MMP1: variants seen among roughly 807,000 people sequenced by gnomAD.
MMP1 encodes the protein interstitial collagenase.
A neutral mutation model predicts 49.6 loss-of-function variants in MMP1; 51 were observed. The ratio of observed to expected loss-of-function variants is 1.03; its 90% CI spans 0.82 to 1.30. MMP1 has a LOEUF of 1.30. Among genes scored for constraint, MMP1 ranks in the 50% most tolerant of loss-of-function variants. The probability of loss-of-function intolerance (pLI) is 0.00; values close to 1 mark genes in which losing one functional copy is unlikely to be tolerated. For missense variants in MMP1, 623 were observed against 568.7 expected, an observed-to-expected ratio of 1.10 and a Z score of -0.97; for synonymous variants, 230 against 196.8, an observed-to-expected ratio of 1.17 and a Z score of -1.41.
chr11:102,797,607 G>T (rs540946284), intron 1 of MMP1, 107 bp from the exon 2 acceptor site: 2 of 1,401,254 alleles, frequency 1.4e-6, no homozygotes, highest in East Asian at 2.3e-5. Flanking sequence ...TTTAAACCTT[G>T]TGTTTAGATT....
rs114064748 is a variant in MMP1, at chr11:102,797,148, G to A, written c.365C>T (p.Thr122Met). The part of the protein sequence containing the change: ...THLTYRIENY[T>M]PDLPRADVDH... ...CACATCTGCTCTTGGCAAATCTGGC[G>A]TGTAATTTTCAATCCTTAGAATGAA... The change falls in exon 3 of 10, where the codon ACG (threonine) becomes ATG (methionine). Residue 122 changes from threonine (T) to methionine (M), a missense_variant. Coordinates refer to ENST00000315274, the MANE Select transcript of MMP1 (RefSeq NM_002421.4). The A allele has an allele frequency of 2.0e-4, 328 of 1,614,092 alleles. 1 individual carries two copies. The African/African-American group carries it at 2.7e-3, about 13-fold the overall frequency.
chr11:102,795,428 C>T (rs5031037), intron 5 of MMP1, 24 bp downstream of exon 5: 34 of 1,609,926 alleles, frequency 2.1e-5, no homozygotes, highest in African/African-American at 9.4e-5. Flanking sequence ...GGCCCTTGTC[C>T]GTAATGTTTT....
intron 4 of MMP1, 136 bp downstream of exon 4, chr11:102,796,528 G>A: frequency 2.0e-6 from 2 of 1,025,172 alleles, no homozygotes; most frequent in Non-Finnish European, 2.7e-6. Context: ...ACTTTTCTAA[G>A]TGTATCACTA....
intron 1 of MMP1, 144 bp from the exon 2 acceptor site, chr11:102,797,644 G>A (rs150583757): frequency 2.7e-6 from 3 of 1,100,196 alleles, no homozygotes; most frequent in Non-Finnish European, 3.8e-6. Flanking sequence ...CCTTATTTTT[G>A]GTGAGAAATG....
At chr11:102,792,466 G>T in intron 7 of MMP1, 139 bp downstream of exon 7, 3 of 829,154 alleles carry the variant, frequency 3.6e-6, no homozygotes, top group Non-Finnish European at 3.7e-6. Flanking sequence ...TAAGTTGATG[G>T]ACTTTCATTG....
chr11:102,797,908 C>G (rs1858248393), intron 1 of MMP1, 80 bp downstream of exon 1: 8 of 1,072,782 alleles, frequency 7.5e-6, no homozygotes, highest in Non-Finnish European at 1.1e-5. Flanking sequence ...GAAACCTATC[C>G]TTAAAAAACT....
At position 102,791,428 on chromosome 11, in the gene MMP1, G is replaced by A. The variant is rs767825796; in HGVS notation, c.1101C>T (p.Ser367=). 8 of 1,613,964 alleles carry A rather than the reference G, an allele frequency of 5.0e-6. No homozygotes were observed. Among genetic ancestry groups the A allele is most frequent in the East Asian group, 2.2e-5 (1 of 44,798 alleles). ...LHGYPKDIYS[S]FGFPRTVKHI... ...GCTTCACAGTTCTAGGGAAGCCAAA[G>A]GAGCTGTAGATGTCCTTGGGGTATC... Residue 367 remains serine (S), a synonymous_variant, in exon 8 of 10, where the codon TCC becomes TCT. Coordinates refer to ENST00000315274, the MANE Select transcript of MMP1 (RefSeq NM_002421.4).
In MMP1 at chr11:102,796,721, C is replaced by G; in HGVS notation, c.568G>C (p.Gly190Arg). The G allele has an allele frequency of 1.2e-6, 2 of 1,614,008 alleles. No individual in the cohort carries two copies. Among genetic ancestry groups the G allele is most frequent in the Non-Finnish European group, 1.7e-6 (2 of 1,179,938 alleles). ...TCAAAATGAGCATCCCCTCCAATAC[C>G]TGGGCCTGGTTGAAAAGCATGAGCA... ...NLAHAFQPGPGIGGDAHFDED... is the reference protein window; with the variant it reads ...NLAHAFQPGPRIGGDAHFDED... Residue 190 changes from glycine to arginine, a missense_variant, in exon 4 of 10, where the codon GGT becomes CGT. Physicochemically the swap from Gly to Arg is moderately radical, Grantham distance 125. Coordinates refer to ENST00000315274, the MANE Select transcript of MMP1 (RefSeq NM_002421.4).
At position 102,790,535 on chromosome 11, in the gene MMP1, A is replaced by G. The variant is rs749490094; in HGVS notation, c.1301-14T>C. ...AATAGAAAAATCCTAGAAACAAAAC[A>G]AAAGAGACTTACTACATTATACAAG... is the stretch of plus-strand genomic sequence containing the variant. On this transcript the variant is annotated splice_polypyrimidine_tract_variant and intron_variant, in intron 9 of 9. Coordinates refer to ENST00000315274, the MANE Select transcript of MMP1 (RefSeq NM_002421.4). 3.3e-6 allele frequency: 5 copies of G among 1,511,230 alleles called. No homozygotes were observed. Among genetic ancestry groups the G allele is most frequent in the Non-Finnish European group, 4.6e-6 (5 of 1,097,016 alleles). 93.6% of individuals were successfully genotyped at this position (1,511,230 alleles called of 1,614,324 possible).
At chr11:102,792,927 T>G (rs1259852802) in intron 6 of MMP1, among the ~76,000 whole-genome samples, 189 bp from the exon 7 acceptor site, 2 of 152,136 alleles carry the variant, frequency 1.3e-5, no homozygotes, top group Non-Finnish European at 2.9e-5. Flanking sequence ...CCCATTATGA[T>G]GAATTTCAAG....
At chr11:102,792,884 T>C (rs1013984147) in intron 6 of MMP1, 146 bp from the exon 7 acceptor site, 3 of 708,318 alleles carry the variant, frequency 4.2e-6, no homozygotes, top group East Asian at 2.7e-5. Flanking sequence ...GGTTGGTTTA[T>C]AGCATTTGCT....
Position 102,795,199 on chromosome 11 carries a change from C to A in MMP1, c.874G>T (p.Gly292Ter), listed in dbSNP as rs370904125. Residue 292 changes from glycine to a stop codon, truncating the protein, a stop_gained, in exon 6 of 10, where the codon GGA (glycine) becomes TGA (stop). Transcript: ENST00000315274. LOFTEE classifies it high-confidence loss of function. ...CTGTCTTTAAAGAACATCACTTCTC[C>A]CCGAATCGTAGTTATAGCATCAAAG... Reference protein sequence around the residue: ...LTFDAITTIRGEVMFFKDRFY... With the variant: ...LTFDAITTIR The A allele has an allele frequency of 1.2e-5, 20 of 1,613,720 alleles. No individual in the cohort carries two copies. Among genetic ancestry groups the A allele is most frequent in the Non-Finnish European group, 1.7e-5 (20 of 1,179,804 alleles).
rs1311120477 is a variant in MMP1, at chr11:102,794,595, C to G, written c.899+579G>C. 2.0e-5 allele frequency among the ~76,000 whole-genome samples: 3 copies of G among 152,174 alleles called. No homozygotes were observed. The highest frequency in any genetic ancestry group is 1.3e-4 in the Admixed American group (2 of 15,282). On this transcript the variant is annotated intron_variant, in intron 6 of 9. Coordinates refer to ENST00000315274, the MANE Select transcript of MMP1 (RefSeq NM_002421.4). This position sits in a 1 kb window ranked among gnomAD's most constrained non-coding sequence, Gnocchi z 4.3. ...GATTTCATCAGTTCTTGGGGACTTT[C>G]CCAGCATTGGTGCCCTCTCTTCTCT...
chr11:102,792,839 C>T, intron 6 of MMP1, 101 bp from the exon 7 acceptor site: 2 of 1,094,354 alleles, frequency 1.8e-6, no homozygotes, highest in Non-Finnish European at 1.4e-6. Flanking sequence ...TAGTGGTGTG[C>T]TGGTAAATGT....
Position 102,794,351 on chromosome 11 carries a change from T to G in MMP1, c.899+823A>C, listed in dbSNP as rs532310517. On this transcript the variant is annotated intron_variant, in intron 6 of 9. Coordinates refer to ENST00000315274, the MANE Select transcript of MMP1 (RefSeq NM_002421.4). This position sits in a 1 kb window ranked among gnomAD's most constrained non-coding sequence, Gnocchi z 4.3. ...TCTATGTGTTGATCTTTCTGTGGAC[T>G]GCATCATTCACCAAATGCGGTGTGC... 4.6e-4 allele frequency among the ~76,000 whole-genome samples: 70 copies of G among 152,250 alleles called. No homozygotes were observed. The highest frequency in any genetic ancestry group is 9.0e-4 in the Non-Finnish European group (61 of 68,008).
In MMP1 at chr11:102,798,025, G is replaced by C. The variant is rs143369245; in HGVS notation, c.68C>G (p.Thr23Ser). The C allele has an allele frequency of 6.2e-7, 1 of 1,613,684 alleles. No individual in the cohort carries two copies. Among genetic ancestry groups the C allele is most frequent in the East Asian group, 2.2e-5 (1 of 44,886 alleles). Residue 23 changes from threonine (T) to serine (S), a missense_variant, in exon 1 of 10, where the codon ACT (threonine) becomes AGT (serine). By Grantham distance (58) the Thr-to-Ser change is moderately conservative. Transcript: ENST00000315274. Reference protein sequence around the residue: ...WGVVSHSFPATLETQEQDVDL... With the variant: ...WGVVSHSFPASLETQEQDVDL... ...CACATCTTGCTCTTGTGTTTCTAGA[G>C]TCGCTGGGAAGCTGTGAGACACCAC...
rs759332588 is a variant in MMP1, at chr11:102,797,458, G to A, written c.148C>T (p.Gln50Ter). 1.2e-6 allele frequency: 2 copies of A among 1,613,972 alleles called. No individual in the cohort carries two copies. Among genetic ancestry groups the A allele is most frequent in the East Asian group, 4.5e-5 (2 of 44,884 alleles). ...KYYNLKNDGR[Q>*]VEKRRNSGPV... ...CCACTATTTCTCCGCTTTTCAACTTGCCTCCCATCATTCTTCAGGTTGTAG... is the reference window on the plus strand; with the variant it reads ...CCACTATTTCTCCGCTTTTCAACTTACCTCCCATCATTCTTCAGGTTGTAG... The change falls in exon 2 of 10, where the codon CAA (glutamine) becomes TAA (stop). Residue 50 changes from glutamine (Q) to a stop codon, truncating the protein, a stop_gained. Coordinates refer to ENST00000315274, the MANE Select transcript of MMP1 (RefSeq NM_002421.4). LOFTEE classifies it high-confidence loss of function.
At chr11:102,792,774 A>G in intron 6 of MMP1, 36 bp from the exon 7 acceptor site, 1 of 1,594,104 alleles carries the variant, frequency 6.3e-7, no homozygotes, top group Non-Finnish European at 8.6e-7. Context: ...TTTCCATCTA[A>G]TTTCTGGTAA....
At chr11:102,790,868 T>A in intron 8 of MMP1, 62 bp from the exon 9 acceptor site, 1 of 865,682 alleles carries the variant, frequency 1.2e-6, no homozygotes, top group Non-Finnish European at 1.9e-6. Context: ...CTGAAAATCA[T>A]TACAGAAAAT....
Sources: gnomAD v4.1 joint callset for allele counts (sites outside exome capture counted in the v4.1 genomes callset) on GRCh38, gnomAD v4.1.1 for gene constraint, Gnocchi (gnomAD v3.1) non-coding constraint, MANE v1.5 for transcripts, NCBI Gene and HGNC (gene_info 2026-07-23, HGNC 2026-07-21) for gene names.